Variants in ABCB4 observed in about 807,000 individuals in gnomAD.
ABCB4 encodes phosphatidylcholine translocator ABCB4.
Under a neutral mutation model 145.7 loss-of-function variants are expected in ABCB4, and 76 were observed. The observed-to-expected ratio is 0.52, with a 90% confidence interval of 0.43 to 0.63. The LOEUF is 0.63. Among genes scored for constraint, ABCB4 ranks in the 30% least tolerant of loss-of-function variants. The pLI, the probability that ABCB4 is intolerant of heterozygous loss-of-function variation, is 0.00. For synonymous variants in ABCB4, 517 were observed against 566.8 expected, an observed-to-expected ratio of 0.91 and a Z score of 1.25; for missense variants, 1,234 against 1,553.1, an observed-to-expected ratio of 0.79 and a Z score of 3.45.
At chr7:87,469,544 G>A (rs1234422789) in intron 3 of ABCB4, among the ~76,000 whole-genome samples, 1 of 152,180 alleles carries the variant, frequency 6.6e-6, no homozygotes, top group Non-Finnish European at 1.5e-5. Flanking sequence ...CAAAATCAAT[G>A]TGCAAAAATC....
At chr7:87,415,425 G>T (rs1358602359) in intron 21 of ABCB4, among the ~76,000 whole-genome samples, 1 of 152,142 alleles carries the variant, frequency 6.6e-6, no homozygotes, top group Non-Finnish European at 1.5e-5. Context: ...ATTAAACTAT[G>T]ATTGAACTGC....
At chr7:87,382,372 T>C in the ABCB4 span, 1 of 1,598,590 alleles carries the variant, frequency 6.3e-7, no homozygotes, top group Non-Finnish European at 8.5e-7. Context: ...GTATTCTCCT[T>C]AGGTGATTTT....
chr7:87,428,594 A>G (rs138082355), intron 15 of ABCB4, among the ~76,000 whole-genome samples: 71 of 152,336 alleles, frequency 4.7e-4, no homozygotes, highest in Middle Eastern at 6.8e-3. Context: ...GGAAAAAAAA[A>G]TCTCTCCAAT....
At chr7:87,391,242 T>A in the ABCB4 span, among the ~76,000 whole-genome samples, 1 of 152,188 alleles carries the variant, frequency 6.6e-6, no homozygotes, top group African/African-American at 2.4e-5. Context: ...ATCCCATCAC[T>A]TGTGCTGTAC....
At chr7:87,454,616 C>A (rs1204237103) in intron 4 of ABCB4, 24 bp from the exon 5 acceptor site, 1 of 1,570,742 alleles carries the variant, frequency 6.4e-7, no homozygotes, top group Non-Finnish European at 8.7e-7. Flanking sequence ...TAAAATAAAA[C>A]ATGTTAAAAG....
In ABCB4 at chr7:87,402,007, TATG is replaced by T; in HGVS notation, c.*86_*88del. On this transcript the variant is annotated 3_prime_UTR_variant, in exon 28 of 28. Coordinates refer to ENST00000649586, the MANE Select transcript of ABCB4 (RefSeq NM_000443.4). ...GAATGAGACAGACATACCTATGTTTTATGATGACAAACCAGAAACTTATTTTAC... is the reference window on the plus strand; with the variant it reads ...GAATGAGACAGACATACCTATGTTTTATGACAAACCAGAAACTTATTTTAC... 3.3e-6 allele frequency: 5 copies of T among 1,531,552 alleles called. No homozygotes were observed. Among genetic ancestry groups the T allele is most frequent in the Non-Finnish European group, 4.5e-6 (5 of 1,121,386 alleles). The allele number at this position is 1,531,552 out of a possible 1,614,324, so 94.9% of individuals were successfully genotyped here.
Position 87,439,649 on chromosome 7 carries a change from T to G in ABCB4, c.1731+18A>C. 1.9e-6 allele frequency: 3 copies of G among 1,614,108 alleles called. No individual in the cohort carries two copies. Among genetic ancestry groups the G allele is most frequent in the Non-Finnish European group, 2.5e-6 (3 of 1,179,944 alleles). ...GGTTTCAATGTGGTGGTCCTTCAGC[T>G]TTTTAGAGTCTACTGACCTTATCCA... is the stretch of plus-strand genomic sequence containing the variant. On this transcript the variant is annotated intron_variant, in intron 14 of 27. Transcript: ENST00000649586.
chr7:87,395,831 G>T, the ABCB4 span, among the ~76,000 whole-genome samples: 2 of 151,984 alleles, frequency 1.3e-5, no homozygotes, highest in African/African-American at 4.8e-5. Flanking sequence ...CTAGATCGGG[G>T]GTTATAAGGA....
intron 23 of ABCB4, among the ~76,000 whole-genome samples, chr7:87,409,897 T>A (rs1003448967): frequency 9.9e-5 from 15 of 152,166 alleles, no homozygotes; most frequent in African/African-American, 3.6e-4. Flanking sequence ...TGTAAATAAT[T>A]TTTATTAGGG....
chr7:87,443,229 C>G, intron 12 of ABCB4, 90 bp downstream of exon 12: 6 of 1,548,370 alleles, frequency 3.9e-6, no homozygotes, highest in Non-Finnish European at 3.6e-6. Flanking sequence ...AAACTGGATT[C>G]ACACGCAAAT....
chr7:87,407,427 G>A (rs924319756), intron 25 of ABCB4, among the ~76,000 whole-genome samples: 3 of 152,214 alleles, frequency 2.0e-5, no homozygotes, highest in African/African-American at 7.2e-5. Context: ...TTAACACTTT[G>A]GTGACTGTCT....
At chr7:87,475,142 G>A (rs1304044614) in intron 2 of ABCB4, among the ~76,000 whole-genome samples, 2 of 152,186 alleles carry the variant, frequency 1.3e-5, no homozygotes, top group African/African-American at 2.4e-5. Context: ...ACAAAGGGAA[G>A]GGAGCACTTT....
At chr7:87,416,904 A>T (rs1398577099) in intron 21 of ABCB4, among the ~76,000 whole-genome samples, 1 of 152,260 alleles carries the variant, frequency 6.6e-6, no homozygotes, top group Non-Finnish European at 1.5e-5. Context: ...CATCTTAATT[A>T]TAGAAATCAC....
intron 6 of ABCB4, chr7:87,452,355 G>C: frequency 6.1e-6 from 1 of 164,864 alleles, no homozygotes; most frequent in Non-Finnish European, 1.3e-5. Context: ...AGGTTTACAA[G>C]GCCCTAAATG....
chr7:87,415,632 G>C (rs1808918147), intron 21 of ABCB4, among the ~76,000 whole-genome samples: 1 of 152,142 alleles, frequency 6.6e-6, no homozygotes, highest in South Asian at 2.1e-4. Context: ...GCAGTATCTG[G>C]TACAATTTCT....
intron 3 of ABCB4, among the ~76,000 whole-genome samples, chr7:87,471,432 G>A (rs1318495930): frequency 6.6e-6 from 1 of 151,920 alleles, no homozygotes; most frequent in African/African-American, 2.4e-5. Context: ...GCTTTCATTT[G>A]ATAAACAATT....
the ABCB4 span, among the ~76,000 whole-genome samples, chr7:87,391,140 C>T: frequency 5.9e-5 from 9 of 152,316 alleles, 1 homozygote; most frequent in African/African-American, 1.9e-4. Flanking sequence ...GCCTCTCCAT[C>T]GGGCAGCCCT....
the ABCB4 span, among the ~76,000 whole-genome samples, chr7:87,379,640 C>G: frequency 6.6e-6 from 1 of 152,178 alleles, no homozygotes. Flanking sequence ...CATAACTGAA[C>G]TGCTTTTTTA....
chr7:87,475,350 G>A (rs1483639608), intron 2 of ABCB4, 36 bp downstream of exon 2: 3 of 1,611,180 alleles, frequency 1.9e-6, no homozygotes, highest in South Asian at 1.1e-5. Flanking sequence ...GCTGATTGGC[G>A]TGTAACGGAA....
Sources: allele counts gnomAD v4.1 joint callset (sites outside exome capture counted in the v4.1 genomes callset), GRCh38; gene constraint gnomAD v4.1.1; transcripts MANE v1.5; gene names NCBI Gene and HGNC (gene_info 2026-07-23, HGNC 2026-07-21).